The following RAP1A variants were observed in gnomAD, a reference collection of about 807,000 sequenced individuals.
RAP1A encodes RAP1A, member of RAS oncogene family.
Under a neutral mutation model 26.4 loss-of-function variants are expected in RAP1A, and 6 were observed. The ratio of observed to expected loss-of-function variants is 0.23; its 90% confidence interval spans 0.12 to 0.45. The LOEUF (loss-of-function observed/expected upper bound fraction) is 0.45, where lower values mean the gene tolerates loss of function less well. Ranked by LOEUF, RAP1A falls within the 20% of genes least tolerant of loss-of-function variation. The probability of loss-of-function intolerance (pLI) is 0.99; values close to 1 mark genes in which losing one functional copy is unlikely to be tolerated. For synonymous variants in RAP1A, 73 were observed against 79.4 expected, an observed-to-expected ratio of 0.92 and a Z score of 0.43; for missense variants, 121 against 217.2, an observed-to-expected ratio of 0.56 and a Z score of 2.78.
At chr1:111,586,783 G>A (rs1372112771) in intron 1 of RAP1A, among the ~76,000 whole-genome samples, 1 of 152,206 alleles carries the variant, frequency 6.6e-6, no homozygotes, top group Admixed American at 6.5e-5. Flanking sequence ...AGCTAATTGG[G>A]AATGTTGAGA....
intron 6 of RAP1A, 147 bp downstream of exon 6, chr1:111,704,633 A>G (rs1322833289): frequency 1.0e-5 from 9 of 899,968 alleles, no homozygotes; most frequent in Non-Finnish European, 1.4e-5. Context: ...CCTGGAAACT[A>G]TATTTTTTAG....
chr1:111,545,321 G>A (rs970758202), intron 1 of RAP1A, among the ~76,000 whole-genome samples: 1 of 152,062 alleles, frequency 6.6e-6, no homozygotes, highest in African/African-American at 2.4e-5. Context: ...CATCCTGGTG[G>A]ATGTGAAGTG....
chr1:111,543,190 T>C (rs1656907754), intron 1 of RAP1A, among the ~76,000 whole-genome samples: 1 of 152,144 alleles, frequency 6.6e-6, no homozygotes. Context: ...AGTATAGTTT[T>C]TAGAATATTT....
At chr1:111,616,522 G>T (rs1659017424), upstream of RAP1A, among the ~76,000 whole-genome samples, 1 of 152,108 alleles carries the variant, frequency 6.6e-6, no homozygotes, top group Non-Finnish European at 1.5e-5. Flanking sequence ...AGTCCCCTTG[G>T]CCTCACTTGT....
At chr1:111,585,485 GA>G (rs35379340) in intron 1 of RAP1A, among the ~76,000 whole-genome samples, 7 of 148,214 alleles carry the variant, frequency 4.7e-5, no homozygotes, top group African/African-American at 1.5e-4. Flanking sequence ...CCTTCCAACA[GA>G]AAAAAAAAAG....
chr1:111,693,483 G>T (rs1661732839), intron 2 of RAP1A, among the ~76,000 whole-genome samples: 1 of 152,214 alleles, frequency 6.6e-6, no homozygotes, highest in East Asian at 1.9e-4. Context: ...AGATGATCCA[G>T]TACAAAAACC....
chr1:111,607,914 G>A (rs1231463257), intron 1 of RAP1A, among the ~76,000 whole-genome samples: 2 of 136,808 alleles, frequency 1.5e-5, no homozygotes, highest in African/African-American at 5.6e-5. Context: ...CCGGGCAGAG[G>A]GGCTCCTCAC....
intron 1 of RAP1A, among the ~76,000 whole-genome samples, chr1:111,560,742 G>A (rs961573769): frequency 2.6e-5 from 4 of 152,068 alleles, no homozygotes; most frequent in Non-Finnish European, 4.4e-5. Flanking sequence ...TGCTCCAGCC[G>A]CAGCCTCCAA....
intron 1 of RAP1A, among the ~76,000 whole-genome samples, chr1:111,557,718 T>G (rs961955108): frequency 6.6e-6 from 1 of 152,110 alleles, no homozygotes; most frequent in Non-Finnish European, 1.5e-5. Context: ...ACAAATAGCC[T>G]GACAAATATA....
intron 1 of RAP1A, among the ~76,000 whole-genome samples, chr1:111,638,891 A>G (rs1184834747): frequency 6.6e-6 from 1 of 151,362 alleles, no homozygotes; most frequent in Admixed American, 6.6e-5. Context: ...AGACAAGTAT[A>G]TGTATTTTAA....
chr1:111,662,791 C>T (rs1460853992), intron 1 of RAP1A, among the ~76,000 whole-genome samples: 1 of 152,056 alleles, frequency 6.6e-6, no homozygotes, highest in African/African-American at 2.4e-5. Flanking sequence ...TATCTTAGTC[C>T]AGCTTTGTTG....
At chr1:111,550,172 G>A (rs531181893) in intron 1 of RAP1A, among the ~76,000 whole-genome samples, 17 of 152,178 alleles carry the variant, frequency 1.1e-4, no homozygotes, top group African/African-American at 4.1e-4. Flanking sequence ...TGATAGTAAG[G>A]TGCCTGCTCT....
intron 1 of RAP1A, among the ~76,000 whole-genome samples, chr1:111,675,278 G>T (rs1240064971): frequency 6.6e-6 from 1 of 151,978 alleles, no homozygotes; most frequent in South Asian, 2.1e-4. Context: ...TCAGGAGATC[G>T]AGACCATCCT....
rs1183085387 is a variant in RAP1A at position 111,716,669 on chromosome 1, T to G, written c.*4268T>G. ...TGGCTGTTCCTCTTGAGGAAAAACCTTAATAAACCTTCCCATTTTAAACAG... is the reference window on the plus strand; with the variant it reads ...TGGCTGTTCCTCTTGAGGAAAAACCGTAATAAACCTTCCCATTTTAAACAG... On this transcript the variant is annotated 3_prime_UTR_variant, in exon 8 of 8. Transcript: ENST00000369709. 6.6e-6 allele frequency: 1 copy of G among 152,240 alleles called. No homozygotes were observed. The highest frequency in any genetic ancestry group is 1.5e-5 in the Non-Finnish European group (1 of 68,032). The allele number at this position is 152,240 out of a possible 1,614,324, so 9.4% of individuals were successfully genotyped here. A position where few individuals can be genotyped will look rare whatever the true frequency, so the allele number is the denominator to read the frequency against.
At chr1:111,588,519 C>T (rs575440391) in intron 1 of RAP1A, among the ~76,000 whole-genome samples, 2 of 152,284 alleles carry the variant, frequency 1.3e-5, no homozygotes, top group African/African-American at 4.8e-5. Context: ...CGCCCCTGCC[C>T]ACATCTTTAG....
In RAP1A at chr1:111,596,007, C is replaced by A. The variant is rs1187789975; in HGVS notation, c.-28+53498C>A. The stretch of plus-strand genomic sequence containing the variant: ...TAAAATAAGTTGCCAAGAGGACTTG[C>A]TAATAAATGTTTGAGCCAACATTAG... On this transcript the variant is annotated intron_variant, in intron 1 of 7. Transcript: ENST00000356415. Among the ~76,000 whole-genome samples, 8 of 152,148 alleles carry A rather than the reference C, an allele frequency of 5.3e-5. No individual in the cohort carries two copies. In the East Asian group the frequency reaches 1.5e-3, roughly 29 times the overall value.
In RAP1A at chr1:111,649,032, T is replaced by G. The variant is rs1433536957; in HGVS notation, c.-28+29098T>G. 6.4e-6 allele frequency: 4 copies of G among 620,826 alleles called. No individual in the cohort carries two copies. The East Asian group carries it at 1.5e-4, about 23-fold the overall frequency. 38.5% of individuals were successfully genotyped at this position (620,826 alleles called of 1,614,324 possible). ...GTCATCATTGACCTTGTGGAGTCCG[T>G]GGATGTCACTCTCCACAGACTGGCA... On this transcript the variant is annotated intron_variant, in intron 1 of 7. Transcript: ENST00000369709.
chr1:111,591,704 CATG>C (rs1323681964), intron 1 of RAP1A, among the ~76,000 whole-genome samples: 1 of 152,194 alleles, frequency 6.6e-6, no homozygotes, highest in Non-Finnish European at 1.5e-5. Flanking sequence ...GAGATGGTGT[CATG>C]ATGTCACCAG....
chr1:111,610,283 C>A (rs907468774), intron 1 of RAP1A, among the ~76,000 whole-genome samples: 8 of 152,156 alleles, frequency 5.3e-5, no homozygotes, highest in African/African-American at 1.9e-4. Context: ...CAATCTATAA[C>A]AATCCTAATC....
Sources: allele counts gnomAD v4.1 joint callset (sites outside exome capture counted in the v4.1 genomes callset), GRCh38; gene constraint gnomAD v4.1.1; transcripts MANE v1.5; gene names NCBI Gene and HGNC (gene_info 2026-07-23, HGNC 2026-07-21).